UBP1: variants seen among roughly 807,000 people sequenced by gnomAD.
The protein encoded by UBP1 is upstream-binding protein 1.
Under a neutral mutation model 76.1 loss-of-function variants are expected in UBP1, and 22 were observed. The ratio of observed to expected loss-of-function variants is 0.29; its 90% CI spans 0.21 to 0.41. The LOEUF is 0.41. Ranked by LOEUF, UBP1 falls within the 10% of genes least tolerant of loss-of-function variation. UBP1 has a pLI of 1.00. For missense variants in UBP1, 436 were observed against 668.1 expected, an observed-to-expected ratio of 0.65 and a Z score of 3.83; for synonymous variants, 224 against 237.1, an observed-to-expected ratio of 0.94 and a Z score of 0.51.
intron 8 of UBP1, among the ~76,000 whole-genome samples, chr3:33,408,424 G>A (rs937631282): frequency 1.3e-5 from 2 of 152,120 alleles, no homozygotes; most frequent in East Asian, 3.9e-4. Flanking sequence ...GTCAGGGAGG[G>A]AATACATATC....
intron 6 of UBP1, 23 bp from the exon 7 acceptor site, chr3:33,409,369 T>C: frequency 6.2e-7 from 1 of 1,614,040 alleles, no homozygotes; most frequent in African/African-American, 1.3e-5. Flanking sequence ...GTATACTATT[T>C]CATCTATCAG....
At chr3:33,398,818 C>CT (rs2044111618) in intron 11 of UBP1, among the ~76,000 whole-genome samples, 1 of 152,204 alleles carries the variant, frequency 6.6e-6, no homozygotes, top group Non-Finnish European at 1.5e-5. Flanking sequence ...ATGTGCTATG[C>CT]TTTTCATCTG....
chr3:33,407,961 T>G (rs1190829250), intron 8 of UBP1, among the ~76,000 whole-genome samples: 1 of 152,186 alleles, frequency 6.6e-6, no homozygotes, highest in South Asian at 2.1e-4. Context: ...AAATAAAGAT[T>G]TGCTATACTT....
chr3:33,415,687 T>C (rs1559683769), intron 3 of UBP1, among the ~76,000 whole-genome samples: 1 of 151,970 alleles, frequency 6.6e-6, no homozygotes, highest in Non-Finnish European at 1.5e-5. Flanking sequence ...CATCAAATCC[T>C]ACTAAATTTT....
chr3:33,390,595 G>A (rs1386995520), intron 15 of UBP1: 7 of 581,648 alleles, frequency 1.2e-5, no homozygotes, highest in Middle Eastern at 3.2e-4. Flanking sequence ...CACTATCAAC[G>A]CCCGCATTCC....
chr3:33,437,021 G>C (rs963115762), intron 1 of UBP1, among the ~76,000 whole-genome samples: 2 of 152,084 alleles, frequency 1.3e-5, no homozygotes, highest in Non-Finnish European at 1.5e-5. Flanking sequence ...ATTTCAAATA[G>C]AATCTGCTGC....
intron 14 of UBP1, 64 bp from the exon 15 acceptor site, chr3:33,392,678 T>C (rs145896449): frequency 6.9e-7 from 1 of 1,442,170 alleles, no homozygotes; most frequent in Non-Finnish European, 9.6e-7. Flanking sequence ...TAAAATGATT[T>C]TAAAACAGTA....
chr3:33,419,156 C>T (rs2044816061), intron 2 of UBP1, among the ~76,000 whole-genome samples: 1 of 152,066 alleles, frequency 6.6e-6, no homozygotes. Flanking sequence ...GAAGAGTCAC[C>T]ATTTCCTGAC....
At chr3:33,425,064 AC>A (rs2044989941) in intron 2 of UBP1, among the ~76,000 whole-genome samples, 1 of 151,616 alleles carries the variant, frequency 6.6e-6, no homozygotes, top group South Asian at 2.1e-4. Context: ...AAGGTAAACT[AC>A]CCCCACATCT....
chr3:33,414,520 T>G (rs1286519641), intron 3 of UBP1, among the ~76,000 whole-genome samples: 1 of 152,148 alleles, frequency 6.6e-6, no homozygotes, highest in Non-Finnish European at 1.5e-5. Context: ...CCAAAGCACC[T>G]TCGCAAACCT....
chr3:33,439,786 G>A lies in UBP1; in HGVS notation c.63C>T (p.Ala21=). The A allele has an allele frequency of 1.2e-6, 2 of 1,612,846 alleles. No homozygotes were observed. Among genetic ancestry groups the A allele is most frequent in the Non-Finnish European group, 1.7e-6 (2 of 1,179,718 alleles). Reference sequence around the variant, plus strand: ...GTTCCTGCCCGATGCCCGAGAGGCTGGCGTCGAAGTCGTGCACCAGCCCGG... The same window carrying A: ...GTTCCTGCCCGATGCCCGAGAGGCTAGCGTCGAAGTCGTGCACCAGCCCGG... ...IESGLVHDFD[A]SLSGIGQELG... Residue 21 remains alanine, a synonymous_variant, in exon 1 of 16, where the codon GCC becomes GCT. Transcript: ENST00000283629.
intron 8 of UBP1, among the ~76,000 whole-genome samples, chr3:33,408,038 G>T (rs563188753): frequency 2.6e-4 from 39 of 152,252 alleles, no homozygotes; most frequent in African/African-American, 8.9e-4. Flanking sequence ...CCAGGTCTAG[G>T]TGTAGCAAGG....
At chr3:33,401,135 G>C in intron 9 of UBP1, 119 bp from the exon 10 acceptor site, 2 of 877,660 alleles carry the variant, frequency 2.3e-6, no homozygotes, top group Non-Finnish European at 3.3e-6. Context: ...AACAGTGGGA[G>C]ACAGCTATGA....
rs138404193 is a variant in UBP1 at position 33,415,803 on chromosome 3, A to T, written c.342+955T>A. On this transcript the variant is annotated intron_variant, in intron 3 of 15. Transcript: ENST00000283629. ...AAGACAAAAACAGAACAATCAGAGA[A>T]AGCACATTGCTGAATATGTTCTGCA... is the stretch of plus-strand genomic sequence containing the variant. 1.6e-3 allele frequency among the ~76,000 whole-genome samples: 248 copies of T among 152,194 alleles called. 1 individual carries two copies. The highest frequency in any genetic ancestry group is 2.7e-3 in the Admixed American group (41 of 15,292).
intron 1 of UBP1, among the ~76,000 whole-genome samples, chr3:33,433,986 A>T (rs1217140439): frequency 6.6e-6 from 1 of 152,184 alleles, no homozygotes; most frequent in Non-Finnish European, 1.5e-5. Context: ...AAAAGAAAAA[A>T]GCATCAGATG....
intron 2 of UBP1, among the ~76,000 whole-genome samples, chr3:33,423,073 G>T (rs1235441265): frequency 1.3e-5 from 2 of 148,318 alleles, no homozygotes; most frequent in African/African-American, 5.0e-5. Flanking sequence ...ACAGAGTCTC[G>T]CTCTGTCACC....
intron 11 of UBP1, 35 bp downstream of exon 11, chr3:33,400,154 T>C (rs2044167632): frequency 1.5e-6 from 2 of 1,304,960 alleles, no homozygotes; most frequent in Non-Finnish European, 2.0e-6. Flanking sequence ...AAACAAAACA[T>C]TCTCATGCAC....
At position 33,393,300 on chromosome 3, in the gene UBP1, G is replaced by T; in HGVS notation, c.1533+12C>A. 6.3e-7 allele frequency: 1 copy of T among 1,588,388 alleles called. No individual in the cohort carries two copies. The highest frequency in any genetic ancestry group is 1.8e-5 in the Admixed American group (1 of 54,296). On this transcript the variant is annotated intron_variant, in intron 14 of 15. Transcript: ENST00000283629. ...ACCAGTCTGAAAAGGAAAAACAAAT[G>T]ATTTGATTTACCTGATCACTAACAA... is the stretch of plus-strand genomic sequence containing the variant.
At chr3:33,418,921 A>G (rs1237537632) in intron 2 of UBP1, among the ~76,000 whole-genome samples, 1 of 152,036 alleles carries the variant, frequency 6.6e-6, no homozygotes, top group Non-Finnish European at 1.5e-5. Context: ...GAAGAAAAAA[A>G]TGAGCAAATG....
Sources: allele counts gnomAD v4.1 joint callset (sites outside exome capture counted in the v4.1 genomes callset), GRCh38; gene constraint gnomAD v4.1.1; transcripts MANE v1.5; gene names NCBI Gene and HGNC (gene_info 2026-07-23, HGNC 2026-07-21).